DPP4: variants seen among roughly 807,000 people sequenced by gnomAD.
The protein encoded by DPP4 is ADCP-2.
In DPP4, 93 loss-of-function variants were observed where a neutral mutation model predicts 122.4. That is an observed-to-expected ratio of 0.76 (90% confidence interval 0.64 to 0.90). The LOEUF (loss-of-function observed/expected upper bound fraction) is 0.90. DPP4 is among the 40% of genes least tolerant of loss of function. The pLI, the probability that DPP4 is intolerant of heterozygous loss-of-function variation, is 0.00. For missense variants in DPP4, 914 were observed against 907.3 expected (o/e 1.01, Z -0.09); for synonymous variants, 321 against 302.9 (o/e 1.06, Z -0.62).
At chr2:162,032,118 C>T (rs1341374026) in intron 10 of DPP4, 1 of 152,214 alleles carries the variant, frequency 6.6e-6, no homozygotes, top group Non-Finnish European at 1.5e-5. Flanking sequence ...GTGATGGTGC[C>T]TTCAGGAATC....
chr2:162,069,799 T>C (rs1685056628), intron 2 of DPP4, among the ~76,000 whole-genome samples: 1 of 152,218 alleles, frequency 6.6e-6, no homozygotes, highest in Admixed American at 6.5e-5. Context: ...TGATTATTCC[T>C]GTCTCCTTCA....
chr2:162,030,885 AG>A (rs1476688654), intron 10 of DPP4, among the ~76,000 whole-genome samples: 2 of 152,256 alleles, frequency 1.3e-5, no homozygotes, highest in Non-Finnish European at 2.9e-5. Flanking sequence ...TGTGACTTAA[AG>A]AACTACTGAG....
intron 10 of DPP4, among the ~76,000 whole-genome samples, chr2:162,026,001 G>A (rs1346708351): frequency 6.6e-6 from 1 of 152,072 alleles, no homozygotes; most frequent in African/African-American, 2.4e-5. Context: ...ACTCAACACA[G>A]GCACTAATTA....
chr2:162,020,222 T>A lies in DPP4; in HGVS notation c.1244+7A>T, dbSNP rs763544744. 16 of 1,607,590 alleles carry A rather than the reference T, an allele frequency of 1.0e-5. No homozygotes were observed. Among genetic ancestry groups the A allele is most frequent in the Non-Finnish European group, 1.4e-5 (16 of 1,177,606 alleles). ...GTTTATATCCTATCAATTGTTACAATACTCACAGATAATCACTGGTTAGAG... is the reference window on the plus strand; with the variant it reads ...GTTTATATCCTATCAATTGTTACAAAACTCACAGATAATCACTGGTTAGAG... On this transcript the variant is annotated splice_region_variant and intron_variant, in intron 14 of 25. Transcript: ENST00000360534.
At chr2:162,021,494 G>C (rs557722139) in intron 12 of DPP4, 10 of 152,300 alleles carry the variant, frequency 6.6e-5, no homozygotes, top group African/African-American at 2.2e-4. Context: ...TTTTAAAATT[G>C]TTGGTTCACT....
chr2:162,045,538 G>C lies in DPP4; in HGVS notation c.360C>G (p.Tyr120Ter). 1 of 1,604,396 alleles carries C rather than the reference G, an allele frequency of 6.2e-7. No homozygotes were observed. Among genetic ancestry groups the C allele is most frequent in the Non-Finnish European group, 8.5e-7 (1 of 1,171,592 alleles). The change falls in exon 5 of 26, where the codon TAC (tyrosine) becomes TAG (stop). Residue 120 changes from tyrosine to a stop codon, truncating the protein, a stop_gained. Coordinates refer to ENST00000360534, the MANE Select transcript of DPP4 (RefSeq NM_001935.4). LOFTEE classifies it high-confidence loss of function. ...DGQFILLEYN[Y>*]VKQWRHSYTA... ...AAGAAAGCATTTATTTTACCTTCAC[G>C]TAGTTGTATTCTAAGAGAATAAACT...
chr2:162,064,023 C>T (rs985301398), intron 2 of DPP4, among the ~76,000 whole-genome samples: 1 of 152,108 alleles, frequency 6.6e-6, no homozygotes, highest in African/African-American at 2.4e-5. Context: ...GCATTCATTC[C>T]TCTAACTTGG....
intron 19 of DPP4, among the ~76,000 whole-genome samples, chr2:162,012,494 A>C (rs1397679831): frequency 1.3e-5 from 2 of 152,110 alleles, no homozygotes; most frequent in African/African-American, 4.8e-5. Context: ...ACTGTAAATC[A>C]TTGTGGAATG....
intron 20 of DPP4, among the ~76,000 whole-genome samples, chr2:162,009,857 G>C (rs184815584): frequency 6.6e-6 from 1 of 152,210 alleles, no homozygotes; most frequent in African/African-American, 2.4e-5. Context: ...ATTTTTCCTT[G>C]ATGGATTAAG....
intron 19 of DPP4, among the ~76,000 whole-genome samples, chr2:162,014,054 C>G (rs558164143): frequency 9.2e-5 from 14 of 152,098 alleles, no homozygotes; most frequent in African/African-American, 3.4e-4. Flanking sequence ...GGAACTGTCA[C>G]GACTGTTAAT....
At chr2:162,041,858 C>T (rs1036644125) in intron 5 of DPP4, among the ~76,000 whole-genome samples, 1 of 152,112 alleles carries the variant, frequency 6.6e-6, no homozygotes, top group African/African-American at 2.4e-5. Context: ...GAGTCCCTCC[C>T]CTGGAGCAGC....
chr2:162,050,640 C>T (rs954872745), intron 2 of DPP4, among the ~76,000 whole-genome samples: 39 of 152,316 alleles, frequency 2.6e-4, no homozygotes, highest in Admixed American at 2.3e-3. Context: ...AAGAGAAGAG[C>T]GGCTAAATTG....
chr2:162,073,861 G>A (rs1685213006), intron 1 of DPP4, 115 bp downstream of exon 1: 1 of 1,417,800 alleles, frequency 7.1e-7, no homozygotes, highest in Non-Finnish European at 9.6e-7. Flanking sequence ...TGGCCTTGGG[G>A]CTTCCGCCTA....
At chr2:162,026,813 G>T (rs2106109704) in intron 10 of DPP4, among the ~76,000 whole-genome samples, 1 of 152,344 alleles carries the variant, frequency 6.6e-6, no homozygotes, top group East Asian at 1.9e-4. Flanking sequence ...TGTGCAAAGA[G>T]AATGGAAGTA....
At chr2:162,062,242 G>A (rs879901579) in intron 2 of DPP4, among the ~76,000 whole-genome samples, 3 of 152,078 alleles carry the variant, frequency 2.0e-5, no homozygotes, top group Admixed American at 6.5e-5. Flanking sequence ...AGACTGCATC[G>A]CTGCACTCCA....
In DPP4 at chr2:162,009,303, A is replaced by T. The variant is rs773600522; in HGVS notation, c.1833-8T>A. ...CCCATTTTTGAAAATTGTCTAAAAC[A>T]CAAGGAAAAAGTCCACAGATCAGTA... On this transcript the variant is annotated splice_polypyrimidine_tract_variant and splice_region_variant and intron_variant, in intron 20 of 25. Transcript: ENST00000360534. 3.1e-6 allele frequency: 5 copies of T among 1,613,624 alleles called. No homozygotes were observed. In the East Asian group the frequency reaches 1.1e-4, roughly 36 times the overall value.
At chr2:162,026,776 C>G (rs1265842236) in intron 10 of DPP4, among the ~76,000 whole-genome samples, 2 of 152,232 alleles carry the variant, frequency 1.3e-5, no homozygotes, top group Admixed American at 6.5e-5. Context: ...AAGGTGAATA[C>G]ACTTTACCCA....
rs1440077993 is a variant in DPP4 at position 162,038,973 on chromosome 2, T to A, written c.468A>T (p.Thr156=). 1.9e-6 allele frequency: 3 copies of A among 1,613,488 alleles called. No homozygotes were observed. The highest frequency in any genetic ancestry group is 2.5e-6 in the Non-Finnish European group (3 of 1,179,512). ...ERIPNNTQWV[T]WSPVGHKLAY... Reference sequence around the variant, plus strand: ...CCAATTTATGACCCACTGGTGACCATGTGACCCACTGTGTGTTGTTTGGAA... The same window carrying A: ...CCAATTTATGACCCACTGGTGACCAAGTGACCCACTGTGTGTTGTTTGGAA... The change falls in exon 7 of 26, where the codon ACA becomes ACT. Residue 156 remains threonine (T), a synonymous_variant. Transcript: ENST00000360534.
chr2:162,072,222 T>G (rs755636172), intron 2 of DPP4, among the ~76,000 whole-genome samples: 23 of 152,242 alleles, frequency 1.5e-4, no homozygotes, highest in Non-Finnish European at 2.2e-4. Context: ...ATTGTATGAC[T>G]AGCACATTCT....
Sources: allele counts gnomAD v4.1 joint callset (sites outside exome capture counted in the v4.1 genomes callset), GRCh38; gene constraint gnomAD v4.1.1; transcripts MANE v1.5; gene names NCBI Gene and HGNC (gene_info 2026-07-23, HGNC 2026-07-21).